EIF4H: variants seen among roughly 807,000 people sequenced by gnomAD.
The protein encoded by EIF4H is Williams-Beuren syndrome chromosome region 1.
A neutral mutation model predicts 30.6 loss-of-function variants in EIF4H; 8 were observed. The ratio of observed to expected loss-of-function variants is 0.26; its 90% CI spans 0.15 to 0.47. The LOEUF (loss-of-function observed/expected upper bound fraction) is 0.47. Among genes scored for constraint, EIF4H ranks in the 20% least tolerant of loss-of-function variants. The probability of loss-of-function intolerance (pLI) is 0.99; values close to 1 mark genes in which losing one functional copy is unlikely to be tolerated. For synonymous variants in EIF4H, 106 were observed against 122.7 expected (o/e 0.86, Z 0.90); for missense variants, 188 against 339.5 (o/e 0.55, Z 3.51).
chr7:74,182,331 C>T (rs1402807013), intron 1 of EIF4H, among the ~76,000 whole-genome samples: 1 of 152,160 alleles, frequency 6.6e-6, no homozygotes, highest in Non-Finnish European at 1.5e-5. Context: ...GAAAGCTTAA[C>T]CATTTTTGAT....
chr7:74,174,929 A>G (rs1174555692), intron 1 of EIF4H, among the ~76,000 whole-genome samples: 1 of 152,148 alleles, frequency 6.6e-6, no homozygotes, highest in East Asian at 1.9e-4. Flanking sequence ...GTCGGCAGCC[A>G]AGAGGGGCGA....
chr7:74,195,358 G>A lies in EIF4H; in HGVS notation c.*50G>A, dbSNP rs546032982. ...CGTGGGGGGTTAGAGCAGGACCACA[G>A]CCTGGTGAGTCCCCGGGCAGCCGTC... On this transcript the variant is annotated 3_prime_UTR_variant, in exon 7 of 7. Transcript: ENST00000265753. The A allele has an allele frequency of 6.5e-6, 10 of 1,542,428 alleles. No homozygotes were observed. Among genetic ancestry groups the A allele is most frequent in the South Asian group, 3.7e-5 (3 of 81,040 alleles).
rs1800921620 is a variant in EIF4H at position 74,179,932 on chromosome 7, T to C, written c.59+5490T>C. Among the ~76,000 whole-genome samples the C allele has an allele frequency of 3.3e-5, 5 of 152,228 alleles. No individual in the cohort carries two copies. The South Asian group carries it at 1.0e-3, about 32-fold the overall frequency. Reference sequence around the variant, plus strand: ...ACCATTGGCAACAAATACTGTTATTTTGGCCAGGTGCTGTGGCTCATGTCT... The same window carrying C: ...ACCATTGGCAACAAATACTGTTATTCTGGCCAGGTGCTGTGGCTCATGTCT... On this transcript the variant is annotated intron_variant, in intron 1 of 6. Transcript: ENST00000265753.
At chr7:74,175,124 T>C (rs1800808837) in intron 1 of EIF4H, among the ~76,000 whole-genome samples, 1 of 152,232 alleles carries the variant, frequency 6.6e-6, no homozygotes, top group Non-Finnish European at 1.5e-5. Flanking sequence ...TTCTCCTTGG[T>C]TTCTCGCTCT....
Position 74,174,372 on chromosome 7 carries a change from C to A in EIF4H, c.-12C>A, listed in dbSNP as rs528669680. On this transcript the variant is annotated 5_prime_UTR_variant, in exon 1 of 7. Coordinates refer to ENST00000265753, the MANE Select transcript of EIF4H (RefSeq NM_022170.2). Reference sequence around the variant, plus strand: ...TCGCTCACCCTGGTTCCTCTCGGAGCGGAGACGGCAAATGGCGGACTTCGA... The same window carrying A: ...TCGCTCACCCTGGTTCCTCTCGGAGAGGAGACGGCAAATGGCGGACTTCGA... The A allele has an allele frequency of 4.1e-6, 6 of 1,447,788 alleles. No individual in the cohort carries two copies. In the African/African-American group the frequency reaches 8.8e-5, roughly 21 times the overall value. 89.7% of individuals were successfully genotyped at this position (1,447,788 alleles called of 1,614,324 possible).
chr7:74,187,916 AT>A (rs1801125123), intron 2 of EIF4H, 118 bp downstream of exon 2: 1 of 1,229,960 alleles, frequency 8.1e-7, no homozygotes, highest in African/African-American at 1.5e-5. Flanking sequence ...TGTTTTAAAC[AT>A]TTGCCTGGTC....
rs781954271 is a variant in EIF4H, at chr7:74,174,404, C to T, written c.21C>T (p.Tyr7=). MADFDT[Y]DDRAYSSFGG... ...GGCAAATGGCGGACTTCGACACCTA[C>T]GACGATCGGGCCTACAGCAGCTTCG... Residue 7 remains tyrosine (Y), a synonymous_variant, in exon 1 of 7, where the codon TAC becomes TAT. Coordinates refer to ENST00000265753, the MANE Select transcript of EIF4H (RefSeq NM_022170.2). The T allele has an allele frequency of 4.8e-6, 7 of 1,462,118 alleles. No individual in the cohort carries two copies. In the Admixed American group the frequency reaches 6.2e-5, roughly 13 times the overall value. 90.6% of individuals were successfully genotyped at this position (1,462,118 alleles called of 1,614,324 possible).
rs564794579 is a variant in EIF4H at position 74,186,788 on chromosome 7, ATTTTT to A, written c.60-775_60-771del. Reference sequence around the variant, plus strand: ...GCCCATAATCAGGCAACAAGGAGAAATTTTTTTTTTTTTTTTTTTTTTTTTTTTTT... The same window carrying A: ...GCCCATAATCAGGCAACAAGGAGAAATTTTTTTTTTTTTTTTTTTTTTTTT... On this transcript the variant is annotated intron_variant, in intron 1 of 6. Coordinates refer to ENST00000265753, the MANE Select transcript of EIF4H (RefSeq NM_022170.2). 8.1e-4 allele frequency among the ~76,000 whole-genome samples: 57 copies of A among 70,080 alleles called. 15 individuals are homozygous for A. The highest frequency in any genetic ancestry group is 2.2e-3 in the South Asian group (4 of 1,784). 46.0% of individuals were successfully genotyped at this position (70,080 alleles called of 152,430 possible).
At chr7:74,193,667 T>C (rs1382580128) in intron 5 of EIF4H, among the ~76,000 whole-genome samples, 1 of 151,860 alleles carries the variant, frequency 6.6e-6, no homozygotes, top group East Asian at 1.9e-4. Context: ...GGCTGAAGTG[T>C]AATGGCACGA....
intron 1 of EIF4H, among the ~76,000 whole-genome samples, chr7:74,184,639 G>A (rs1801042330): frequency 6.6e-6 from 1 of 151,762 alleles, no homozygotes; most frequent in African/African-American, 2.4e-5. Context: ...TGTTTATACT[G>A]TATCTTGTTT....
intron 1 of EIF4H, among the ~76,000 whole-genome samples, chr7:74,184,956 C>T (rs1464203832): frequency 6.6e-6 from 1 of 152,090 alleles, no homozygotes; most frequent in Non-Finnish European, 1.5e-5. Context: ...GCTGGGATTA[C>T]AGGTATGAGC....
chr7:74,184,096 A>G (rs899918182), intron 1 of EIF4H, among the ~76,000 whole-genome samples: 3 of 152,140 alleles, frequency 2.0e-5, no homozygotes, highest in Non-Finnish European at 4.4e-5. Context: ...CCAGAATTAT[A>G]TCACCAGTTA....
intron 1 of EIF4H, among the ~76,000 whole-genome samples, chr7:74,176,968 A>T (rs887281070): frequency 6.6e-6 from 1 of 152,222 alleles, no homozygotes; most frequent in African/African-American, 2.4e-5. Context: ...AATTGCAACA[A>T]AGCTATGAGT....
At chr7:74,176,203 T>C (rs1269526541) in intron 1 of EIF4H, among the ~76,000 whole-genome samples, 1 of 152,192 alleles carries the variant, frequency 6.6e-6, no homozygotes, top group African/African-American at 2.4e-5. Flanking sequence ...TAAAAACTTG[T>C]TGGTGAATTT....
chr7:74,190,905 A>G (rs984318902), intron 5 of EIF4H, among the ~76,000 whole-genome samples: 2 of 152,208 alleles, frequency 1.3e-5, no homozygotes, highest in South Asian at 2.1e-4. Flanking sequence ...TTAAATTACA[A>G]AAGTATAATT....
At chr7:74,191,478 T>G (rs561245456) in intron 5 of EIF4H, among the ~76,000 whole-genome samples, 3 of 152,236 alleles carry the variant, frequency 2.0e-5, no homozygotes, top group African/African-American at 7.2e-5. Flanking sequence ...CCAGTTCTGG[T>G]GGGAACTGCA....
Position 74,195,409 on chromosome 7 carries a change from C to T in EIF4H, c.*101C>T. The T allele has an allele frequency of 1.5e-6, 2 of 1,336,030 alleles. No homozygotes were observed. Among genetic ancestry groups the T allele is most frequent in the Non-Finnish European group, 2.0e-6 (2 of 984,374 alleles). The allele number at this position is 1,336,030 out of a possible 1,614,324, so 82.8% of individuals were successfully genotyped here. On this transcript the variant is annotated 3_prime_UTR_variant, in exon 7 of 7. Coordinates refer to ENST00000265753, the MANE Select transcript of EIF4H (RefSeq NM_022170.2). The stretch of plus-strand genomic sequence containing the variant: ...CTGCAGCCGCCACTCCTGCGCCTGC[C>T]ATTGGCCTCCTCACAGCGGAAACAC...
At chr7:74,193,218 G>GA (rs1241103732) in intron 5 of EIF4H, among the ~76,000 whole-genome samples, 1 of 152,176 alleles carries the variant, frequency 6.6e-6, no homozygotes, top group Non-Finnish European at 1.5e-5. Flanking sequence ...GATGTCACCA[G>GA]AAAAAGCCCA....
intron 6 of EIF4H, 40 bp downstream of exon 6, chr7:74,194,918 TG>T: frequency 6.4e-7 from 1 of 1,564,514 alleles, no homozygotes; most frequent in Non-Finnish European, 8.7e-7. Flanking sequence ...CTTGTCCTGA[TG>T]GGATGATCAT....
Sources: gnomAD v4.1 joint callset for allele counts (sites outside exome capture counted in the v4.1 genomes callset) on GRCh38, gnomAD v4.1.1 for gene constraint, MANE v1.5 for transcripts, NCBI Gene and HGNC (gene_info 2026-07-23, HGNC 2026-07-21) for gene names.